The following SZT2 variants were observed in gnomAD, a reference collection of about 807,000 sequenced individuals.
SZT2 encodes the protein KICSTOR complex protein SZT2.
Under a neutral mutation model 404.2 loss-of-function variants are expected in SZT2, and 216 were observed. The observed-to-expected ratio is 0.53, with a 90% CI of 0.48 to 0.60. SZT2 has a LOEUF of 0.60. Ranked by LOEUF, SZT2 falls within the 20% of genes least tolerant of loss-of-function variation. The pLI, the probability that SZT2 is intolerant of heterozygous loss-of-function variation, is 0.00. For synonymous variants in SZT2, 1,693 were observed against 1,749.9 expected (o/e 0.97, Z 0.81); for missense variants, 3,857 against 4,459.2 (o/e 0.86, Z 3.85).
In SZT2 at chr1:43,452,344, C is replaced by G; in HGVS notation, c.*1864C>G. The G allele has an allele frequency of 1.3e-6, 2 of 1,546,144 alleles. No homozygotes were observed. The highest frequency in any genetic ancestry group is 1.8e-6 in the Non-Finnish European group (2 of 1,120,546). On this transcript the variant is annotated 3_prime_UTR_variant, in exon 72 of 72. Coordinates refer to ENST00000634258, the MANE Select transcript of SZT2 (RefSeq NM_001365999.1). ...CCTGTGGGGAAGATGGACTGGAGGC[C>G]TTGCCTCCCTTGGCTCTCTCTGCAC...
intron 1 of SZT2, among the ~76,000 whole-genome samples, chr1:43,395,299 G>C (rs1481410752): frequency 2.6e-5 from 4 of 152,052 alleles, no homozygotes; most frequent in Non-Finnish European, 5.9e-5. Context: ...TTTGGGAGGA[G>C]GGGGAGGTCA....
chr1:43,412,010 CATCATG>C (rs1477850733), intron 4 of SZT2: 1 of 152,114 alleles, frequency 6.6e-6, no homozygotes, highest in Non-Finnish European at 1.5e-5. Context: ...GAACTCTTGA[CATCATG>C]ATTTGCCCGC....
chr1:43,416,899 C>G (rs1014868155), intron 7 of SZT2, among the ~76,000 whole-genome samples: 1 of 152,084 alleles, frequency 6.6e-6, no homozygotes, highest in East Asian at 1.9e-4. Flanking sequence ...ATTTCCAGTC[C>G]CACCTCCCCT....
At chr1:43,433,430 G>A (rs567446677) in intron 40 of SZT2, among the ~76,000 whole-genome samples, 3 of 152,252 alleles carry the variant, frequency 2.0e-5, no homozygotes, top group South Asian at 2.1e-4. Context: ...TTGGCTTCTC[G>A]CTGAGCATTA....
In SZT2 at chr1:43,422,862, A is replaced by C. The variant is rs779247794; in HGVS notation, c.2016A>C (p.Thr672=). 5.0e-6 allele frequency: 8 copies of C among 1,588,856 alleles called. No homozygotes were observed. In the East Asian group the frequency reaches 1.8e-4, roughly 36 times the overall value. ...TTCGCCTGGGTTTTCCCATTGGCACACCAGCACCGGCCCGGCACAAGGTAA... is the reference window on the plus strand; with the variant it reads ...TTCGCCTGGGTTTTCCCATTGGCACCCCAGCACCGGCCCGGCACAAGGTAA... ...MVLRLGFPIG[T]PAPARHKIVS... is the part of the protein sequence containing the mutation. The change falls in exon 14 of 72, where the codon ACA becomes ACC. Residue 672 remains threonine (T), a synonymous_variant. Coordinates refer to ENST00000634258, the MANE Select transcript of SZT2 (RefSeq NM_001365999.1).
At chr1:43,394,243 CTG>C (rs1648732793) in intron 1 of SZT2, 1 of 249,020 alleles carries the variant, frequency 4.0e-6, no homozygotes, top group Non-Finnish European at 6.0e-6. Context: ...GAGTCTTGCT[CTG>C]TCGCCCAGGC....
At position 43,437,392 on chromosome 1, in the gene SZT2, T is replaced by C. The variant is rs757124080; in HGVS notation, c.6188-14T>C. 45 of 1,614,000 alleles carry C rather than the reference T, an allele frequency of 2.8e-5. No individual in the cohort carries two copies. Among genetic ancestry groups the C allele is most frequent in the Non-Finnish European group, 3.8e-5 (45 of 1,180,000 alleles). On this transcript the variant is annotated splice_polypyrimidine_tract_variant and intron_variant, in intron 43 of 71. Transcript: ENST00000634258. This position sits in a 1 kb window ranked among gnomAD's most constrained non-coding sequence, Gnocchi z 5.3. ...TGGAAAAGGCAGTTTCCTGAGCCCA[T>C]GTTATTCCCCCAGCCATCCAGGCCC...
In SZT2 at chr1:43,443,436, C is replaced by G; in HGVS notation, c.8584C>G (p.Leu2862Val). Residue 2862 changes from leucine (L) to valine (V), a missense_variant, in exon 61 of 72, where the codon CTG becomes GTG. Physicochemically the swap from Leu to Val is conservative, Grantham distance 32. Around this residue, in one of 7 missense-constraint regions of SZT2, gnomAD observed 717 missense variants for 868.2 expected, o/e 0.83. Transcript: ENST00000634258. The stretch of plus-strand genomic sequence containing the variant: ...CATGCTCTTCGACCCAGCTGCCTGG[C>G]TGCATGGGCCCCCAGAGACCTCTGG... Reference protein sequence around the residue: ...TAMLFDPAAWLHGPPETSGPP... With the variant: ...TAMLFDPAAWVHGPPETSGPP... The G allele has an allele frequency of 6.2e-7, 1 of 1,614,238 alleles. No individual in the cohort carries two copies. Among genetic ancestry groups the G allele is most frequent in the Non-Finnish European group, 8.5e-7 (1 of 1,180,040 alleles).
rs1191235626 is a variant in SZT2 at position 43,449,770 on chromosome 1, G to A, written c.10087-333G>A. On this transcript the variant is annotated intron_variant, in intron 70 of 71. Coordinates refer to ENST00000634258, the MANE Select transcript of SZT2 (RefSeq NM_001365999.1). The stretch of plus-strand genomic sequence containing the variant: ...AGGGGACGACAAGACAATCCCAGGG[G>A]TGGTCAGAGAGGAGTCCCAGGACAG... 6.8e-5 allele frequency: 30 copies of A among 439,236 alleles called. No homozygotes were observed. The East Asian group carries it at 1.2e-3, about 18-fold the overall frequency. The allele number at this position is 439,236 out of a possible 1,614,324, so 27.2% of individuals were successfully genotyped here. A position where few individuals can be genotyped will look rare whatever the true frequency, so the allele number is the denominator to read the frequency against.
At position 43,422,875 on chromosome 1, in the gene SZT2, C is replaced by T. The variant is rs747070941; in HGVS notation, c.2029C>T (p.Arg677Trp). 23 of 1,583,944 alleles carry T rather than the reference C, an allele frequency of 1.5e-5. No homozygotes were observed. Among genetic ancestry groups the T allele is most frequent in the African/African-American group, 2.7e-5 (2 of 74,374 alleles). ...TCCCATTGGCACACCAGCACCGGCC[C>T]GGCACAAGGTAAGCTGGGCCCTGAC... The part of the protein sequence containing the change: ...GFPIGTPAPA[R>W]HKIVSGLREE... The change falls in exon 14 of 72, where the codon CGG (arginine) becomes TGG (tryptophan). Residue 677 changes from arginine (R) to tryptophan (W), a missense_variant. Physicochemically the swap from Arg to Trp is moderately radical, Grantham distance 101. This residue lies in a region of SZT2 where 1,725 missense variants were observed against 1,881.0 expected (regional missense o/e 0.92). Transcript: ENST00000634258.
Position 43,437,054 on chromosome 1 carries a change from A to C in SZT2, c.6035-117A>C. On this transcript the variant is annotated intron_variant, in intron 42 of 71. Coordinates refer to ENST00000634258, the MANE Select transcript of SZT2 (RefSeq NM_001365999.1). The surrounding 1 kb of genome is among the most constrained non-coding windows in gnomAD (Gnocchi z 5.3). ...CCCAGAATGATCATCATTTCTCTGC[A>C]ATAGTCAGGGATGAGTCTGGAGGAG... 1 of 1,327,222 alleles carries C rather than the reference A, an allele frequency of 7.5e-7. No individual in the cohort carries two copies. The highest frequency in any genetic ancestry group is 1.0e-6 in the Non-Finnish European group (1 of 958,274). 82.2% of individuals were successfully genotyped at this position (1,327,222 alleles called of 1,614,324 possible). A position where few individuals can be genotyped will look rare whatever the true frequency, so the allele number is the denominator to read the frequency against.
At chr1:43,434,534 C>G in intron 41 of SZT2, 49 bp downstream of exon 41, 1 of 1,464,906 alleles carries the variant, frequency 6.8e-7, no homozygotes. Context: ...AGATGAGAAC[C>G]AAATTTCTAA....
Position 43,399,029 on chromosome 1 carries a change from G to A in SZT2, c.28-4148G>A, listed in dbSNP as rs531811584. 1.1e-4 allele frequency among the ~76,000 whole-genome samples: 16 copies of A among 151,842 alleles called. No homozygotes were observed. In the South Asian group the frequency reaches 2.3e-3, roughly 22 times the overall value. ...GAGAAGGCGGAAGTTGCAGTGAGCC[G>A]AGATTGCGCCACTACACTCCAGCCT... is the stretch of plus-strand genomic sequence containing the variant. On this transcript the variant is annotated intron_variant, in intron 1 of 71. Coordinates refer to ENST00000634258, the MANE Select transcript of SZT2 (RefSeq NM_001365999.1).
In SZT2 at chr1:43,426,693, C is replaced by T. The variant is rs1570650636; in HGVS notation, c.3215-22C>T. The T allele has an allele frequency of 6.3e-7, 1 of 1,585,540 alleles. No homozygotes were observed. The highest frequency in any genetic ancestry group is 8.6e-7 in the Non-Finnish European group (1 of 1,164,344). ...TCTCTGCTGGCCCTGCCCTCTTTCA[C>T]CCATCTCTACCCCCATTGTAGGTGC... On this transcript the variant is annotated intron_variant, in intron 22 of 71. Coordinates refer to ENST00000634258, the MANE Select transcript of SZT2 (RefSeq NM_001365999.1). The surrounding 1 kb of genome is among the most constrained non-coding windows in gnomAD (Gnocchi z 4.9).
At chr1:43,438,599 A>T in intron 46 of SZT2, 100 bp from the exon 47 acceptor site, 1 of 1,041,392 alleles carries the variant, frequency 9.6e-7, no homozygotes, top group Non-Finnish European at 1.5e-6. Flanking sequence ...CACTGCCTCT[A>T]GTATACAGGG....
At position 43,437,593 on chromosome 1, in the gene SZT2, A is replaced by G; in HGVS notation, c.6291-2A>G. 6.2e-7 allele frequency: 1 copy of G among 1,614,002 alleles called. No homozygotes were observed. Among genetic ancestry groups the G allele is most frequent in the Non-Finnish European group, 8.5e-7 (1 of 1,179,982 alleles). On this transcript the variant is annotated splice_acceptor_variant, in intron 44 of 71. Transcript: ENST00000634258. LOFTEE classifies it high-confidence loss of function. This position sits in a 1 kb window ranked among gnomAD's most constrained non-coding sequence, Gnocchi z 5.3. ...GTCCAAAGACATGCTGCTCTTTCCC[A>G]GGCTCCTAGAGACATCCTGCAGTGA...
chr1:43,446,510 A>C, intron 65 of SZT2, 94 bp downstream of exon 65: 3 of 1,486,668 alleles, frequency 2.0e-6, no homozygotes, highest in Non-Finnish European at 2.8e-6. Flanking sequence ...AGAGTAATGC[A>C]GTAGGCGGGC....
Position 43,443,079 on chromosome 1 carries a change from G to A in SZT2, c.8412G>A (p.Glu2804=). Residue 2804 remains glutamate, a synonymous_variant, in exon 59 of 72, where the codon GAG becomes GAA. Transcript: ENST00000634258. ...AGTTCCTAGAGATCAAGATGGCAGAGCGCAGAGGTGAGGGTACTGGGCCAG... is the reference window on the plus strand; with the variant it reads ...AGTTCCTAGAGATCAAGATGGCAGAACGCAGAGGTGAGGGTACTGGGCCAG... ...GQQFLEIKMA[E]RRELERQMKM... is the part of the protein sequence containing the mutation. 1 of 1,611,618 alleles carries A rather than the reference G, an allele frequency of 6.2e-7. No homozygotes were observed. Among genetic ancestry groups the A allele is most frequent in the Non-Finnish European group, 8.5e-7 (1 of 1,178,296 alleles).
chr1:43,400,766 G>T (rs1388402750), intron 1 of SZT2, among the ~76,000 whole-genome samples: 1 of 152,058 alleles, frequency 6.6e-6, no homozygotes, highest in Admixed American at 6.5e-5. Context: ...CAGCTACTTG[G>T]GAGGCTTAGG....
Sources: allele counts gnomAD v4.1 joint callset (sites outside exome capture counted in the v4.1 genomes callset), GRCh38; gene constraint gnomAD v4.1.1; regional missense constraint gnomAD v4.1.1; non-coding constraint Gnocchi (gnomAD v3.1); transcripts MANE v1.5; gene names NCBI Gene and HGNC (gene_info 2026-07-23, HGNC 2026-07-21).